SLC16A12: variants seen among roughly 807,000 people sequenced by gnomAD.
The protein encoded by SLC16A12 is monocarboxylate transporter 12.
SLC16A12 carries 17 observed loss-of-function variants against 42.4 expected under a neutral mutation model. That is an observed-to-expected ratio of 0.40 (90% CI 0.27 to 0.60). The LOEUF is 0.60. Ranked by LOEUF, SLC16A12 falls within the 20% of genes least tolerant of loss-of-function variation. SLC16A12 has a pLI of 0.42. For missense variants in SLC16A12, 544 were observed against 623.0 expected (o/e 0.87, Z 1.35); for synonymous variants, 224 against 229.4 (o/e 0.98, Z 0.21).
chr10:89,469,591 C>T (rs1287827544), intron 2 of SLC16A12, among the ~76,000 whole-genome samples: 1 of 152,196 alleles, frequency 6.6e-6, no homozygotes, highest in Non-Finnish European at 1.5e-5. Flanking sequence ...CTTGTTCTTT[C>T]CTTCCTTGAC....
intron 4 of SLC16A12, among the ~76,000 whole-genome samples, chr10:89,443,476 G>A (rs1024295532): frequency 6.6e-5 from 10 of 152,166 alleles, no homozygotes; most frequent in South Asian, 2.1e-4. Flanking sequence ...AATGCTCAGC[G>A]TCCTATCTCT....
At chr10:89,463,093 C>G (rs968411631) in intron 2 of SLC16A12, 1 of 156,676 alleles carries the variant, frequency 6.4e-6, no homozygotes, top group Non-Finnish European at 1.4e-5. Flanking sequence ...GAGACAGAAG[C>G]AGCCTGGGTC....
At position 89,435,972 on chromosome 10, in the gene SLC16A12, C is replaced by T. The variant is rs1233039382; in HGVS notation, c.1288+88G>A. The T allele has an allele frequency of 1.0e-5, 16 of 1,567,582 alleles. No individual in the cohort carries two copies. In the East Asian group the frequency reaches 1.1e-4, roughly 11 times the overall value. Reference sequence around the variant, plus strand: ...ACTCTTCCCCAACTCTCTTGACAGTCCTTCTCATTGACTGCATGTGGGTTT... The same window carrying T: ...ACTCTTCCCCAACTCTCTTGACAGTTCTTCTCATTGACTGCATGTGGGTTT... On this transcript the variant is annotated intron_variant, in intron 7 of 7. Coordinates refer to ENST00000371790, the MANE Select transcript of SLC16A12 (RefSeq NM_213606.4).
chr10:89,480,139 T>C (rs1184874913), intron 2 of SLC16A12, among the ~76,000 whole-genome samples: 1 of 152,200 alleles, frequency 6.6e-6, no homozygotes, highest in African/African-American at 2.4e-5. Context: ...TTCCAGGGTT[T>C]TTTTGCCATC....
At chr10:89,444,773 A>T (rs914532916) in intron 3 of SLC16A12, among the ~76,000 whole-genome samples, 1 of 152,154 alleles carries the variant, frequency 6.6e-6, no homozygotes, top group African/African-American at 2.4e-5. Context: ...GGTGTAGCCC[A>T]TGGAGGGGGA....
intron 2 of SLC16A12, among the ~76,000 whole-genome samples, chr10:89,529,746 C>T (rs764754385): frequency 2.6e-5 from 4 of 152,062 alleles, no homozygotes; most frequent in African/African-American, 4.8e-5. Flanking sequence ...CGGGGTTTCG[C>T]CATGTTGGCC....
chr10:89,455,580 C>T (rs1268715248), intron 3 of SLC16A12, among the ~76,000 whole-genome samples: 1 of 152,088 alleles, frequency 6.6e-6, no homozygotes, highest in Non-Finnish European at 1.5e-5. Flanking sequence ...GGGAAAAGCA[C>T]CACAGAACTT....
chr10:89,463,293 C>T (rs1225356814), intron 2 of SLC16A12, among the ~76,000 whole-genome samples: 4 of 151,972 alleles, frequency 2.6e-5, no homozygotes, highest in Non-Finnish European at 4.4e-5. Flanking sequence ...TTTTAAAATG[C>T]TGTAATTTTT....
chr10:89,532,260 T>C (rs949734150), intron 2 of SLC16A12, among the ~76,000 whole-genome samples: 11 of 152,154 alleles, frequency 7.2e-5, no homozygotes, highest in Admixed American at 3.3e-4. Flanking sequence ...GAAGGATATG[T>C]ATCTGATGGG....
chr10:89,438,709 G>A lies in SLC16A12; in HGVS notation c.923C>T (p.Ala308Val). ...SPLFVYLVPY[A>V]LSVGVSHQQA... ...CTGATGACTCACTCCAACACTCAAA[G>A]CATAAGGCACCAAGTACACAAAGAG... The change falls in exon 6 of 8, where the codon GCT (alanine) becomes GTT (valine). Residue 308 changes from alanine to valine, a missense_variant. Physicochemically the swap from Ala to Val is moderately conservative, Grantham distance 64. Coordinates refer to ENST00000371790, the MANE Select transcript of SLC16A12 (RefSeq NM_213606.4). 1 of 1,614,116 alleles carries A rather than the reference G, an allele frequency of 6.2e-7. No homozygotes were observed. Among genetic ancestry groups the A allele is most frequent in the Middle Eastern group, 1.6e-4 (1 of 6,062 alleles).
chr10:89,488,631 C>T (rs563749565), intron 2 of SLC16A12, among the ~76,000 whole-genome samples: 55 of 152,274 alleles, frequency 3.6e-4, no homozygotes, highest in African/African-American at 8.2e-4. Context: ...GCAGCAGCAA[C>T]GACTAACTGA....
In SLC16A12 at chr10:89,432,030, A is replaced by G. The variant is rs1158134540; in HGVS notation, c.*1034T>C. ...TCCAATCCTCTTTTGGGTAATGATAAAACTAAATGTCTGATCTGCAAAGAA... is the reference window on the plus strand; with the variant it reads ...TCCAATCCTCTTTTGGGTAATGATAGAACTAAATGTCTGATCTGCAAAGAA... On this transcript the variant is annotated 3_prime_UTR_variant, in exon 8 of 8. Coordinates refer to ENST00000371790, the MANE Select transcript of SLC16A12 (RefSeq NM_213606.4). 6.6e-6 allele frequency: 1 copy of G among 152,626 alleles called. No individual in the cohort carries two copies. The highest frequency in any genetic ancestry group is 3.2e-3 in the Middle Eastern group (1 of 316). The allele number at this position is 152,626 out of a possible 1,614,324, so 9.5% of individuals were successfully genotyped here.
chr10:89,493,788 A>C (rs1465489566), intron 2 of SLC16A12, among the ~76,000 whole-genome samples: 1 of 152,194 alleles, frequency 6.6e-6, no homozygotes, highest in African/African-American at 2.4e-5. Context: ...GTACCTAAAT[A>C]AACAAATGGG....
upstream of SLC16A12, among the ~76,000 whole-genome samples, chr10:89,538,774 A>T (rs905779815): frequency 7.9e-5 from 12 of 152,362 alleles, no homozygotes; most frequent in South Asian, 2.1e-3. Context: ...CTTTTACCTT[A>T]AAAATATTGG....
At chr10:89,552,982 T>A (rs140288391) in intron 2 of SLC16A12, among the ~76,000 whole-genome samples, 19 of 152,352 alleles carry the variant, frequency 1.2e-4, no homozygotes, top group African/African-American at 4.6e-4. Context: ...CTCTTGAATG[T>A]ACCTCCGTCC....
At chr10:89,469,502 T>C (rs1023762532) in intron 2 of SLC16A12, among the ~76,000 whole-genome samples, 14 of 152,222 alleles carry the variant, frequency 9.2e-5, no homozygotes, top group African/African-American at 1.9e-4. Context: ...AAATTTCTTA[T>C]AGTCAGTAAG....
At chr10:89,435,822 C>A (rs1293025660) in intron 7 of SLC16A12, among the ~76,000 whole-genome samples, 2 of 152,038 alleles carry the variant, frequency 1.3e-5, no homozygotes, top group Non-Finnish European at 2.9e-5. Flanking sequence ...GAATCAAGAC[C>A]CTAATTTGGG....
intron 2 of SLC16A12, among the ~76,000 whole-genome samples, chr10:89,483,738 T>TAAAA (rs1253654983): frequency 1.6e-5 from 1 of 62,296 alleles, no homozygotes; most frequent in African/African-American, 6.4e-5. Flanking sequence ...ACGCTGCCTC[T>TAAAA]AAAAAAAAAA....
At chr10:89,533,123 A>C (rs1159856341) in intron 2 of SLC16A12, among the ~76,000 whole-genome samples, 1 of 151,822 alleles carries the variant, frequency 6.6e-6, no homozygotes, top group East Asian at 1.9e-4. Context: ...AGTCAAAGTA[A>C]CTTCACCTGA....
Sources: allele counts gnomAD v4.1 joint callset (sites outside exome capture counted in the v4.1 genomes callset), GRCh38; gene constraint gnomAD v4.1.1; transcripts MANE v1.5; gene names NCBI Gene and HGNC (gene_info 2026-07-23, HGNC 2026-07-21).